Variants in LATS2 observed in about 807,000 individuals in gnomAD.
The protein encoded by LATS2 is serine/threonine-protein kinase LATS2.
Under a neutral mutation model 76.0 loss-of-function variants are expected in LATS2, and 24 were observed. That is an observed-to-expected ratio of 0.32 (90% CI 0.23 to 0.44). The LOEUF (loss-of-function observed/expected upper bound fraction) is 0.44. Ranked by LOEUF, LATS2 falls within the 20% of genes least tolerant of loss-of-function variation. LATS2 has a pLI of 1.00. For missense variants in LATS2, 1,286 were observed against 1,481.2 expected, an observed-to-expected ratio of 0.87 and a Z score of 2.16; for synonymous variants, 692 against 635.4, an observed-to-expected ratio of 1.09 and a Z score of -1.34.
intron 1 of LATS2, among the ~76,000 whole-genome samples, chr13:21,050,565 G>A (rs1388742986): frequency 2.6e-5 from 4 of 152,164 alleles, no homozygotes; most frequent in South Asian, 2.1e-4. Flanking sequence ...TCATTGCTGC[G>A]TAATATCCCC....
chr13:20,979,898 A>G (rs1166737923), intron 6 of LATS2, 101 bp from the exon 7 acceptor site: 1 of 664,416 alleles, frequency 1.5e-6, no homozygotes, highest in East Asian at 2.8e-5. Flanking sequence ...TTAAGTGGGA[A>G]AGCGCGTTGA....
chr13:21,055,982 T>C (rs1873435418), intron 1 of LATS2, among the ~76,000 whole-genome samples: 1 of 152,208 alleles, frequency 6.6e-6, no homozygotes, highest in Non-Finnish European at 1.5e-5. Flanking sequence ...AAGGCAGTGA[T>C]TGCATTCCTC....
At chr13:20,987,039 C>T (rs1870178393) in intron 4 of LATS2, among the ~76,000 whole-genome samples, 1 of 151,914 alleles carries the variant, frequency 6.6e-6, no homozygotes, top group African/African-American at 2.4e-5. Flanking sequence ...ACTAAAAACA[C>T]AAAAAAATGG....
chr13:20,988,411 C>T lies in LATS2; in HGVS notation c.1369G>A (p.Ala457Thr), dbSNP rs1213156692. The T allele has an allele frequency of 4.2e-6, 6 of 1,419,940 alleles. No individual in the cohort carries two copies. Among genetic ancestry groups the T allele is most frequent in the East Asian group, 5.8e-5 (2 of 34,414 alleles). The allele number at this position is 1,419,940 out of a possible 1,614,324, so 88.0% of individuals were successfully genotyped here. ...VRVLRPEPQT[A>T]VGPSHPAWVP... ...CAGGCGGGGTGCGAGGGCCCCACAG[C>T]CGTCTGCGGCTCCGGCCTCAGCACA... Residue 457 changes from alanine to threonine, a missense_variant, in exon 4 of 8, where the codon GCT becomes ACT. Physicochemically the swap from Ala to Thr is moderately conservative, Grantham distance 58 (BLOSUM62 0). Transcript: ENST00000382592.
chr13:21,039,041 G>A (rs1872778898), intron 2 of LATS2, among the ~76,000 whole-genome samples: 3 of 152,080 alleles, frequency 2.0e-5, no homozygotes, highest in Non-Finnish European at 2.9e-5. Context: ...GACACAGAGG[G>A]GTATGCTTTG....
At chr13:21,023,848 C>T (rs1377704551) in intron 2 of LATS2, among the ~76,000 whole-genome samples, 3 of 151,540 alleles carry the variant, frequency 2.0e-5, no homozygotes, top group Admixed American at 1.3e-4. Context: ...TGGCGCATGC[C>T]TATAATTTCA....
At chr13:21,036,956 T>A (rs1353895659) in intron 2 of LATS2, among the ~76,000 whole-genome samples, 1 of 152,240 alleles carries the variant, frequency 6.6e-6, no homozygotes, top group African/African-American at 2.4e-5. Context: ...AAAAATGCTC[T>A]CAACATTTAC....
At position 20,975,264 on chromosome 13, in the gene LATS2, C is replaced by T. The variant is rs765566250; in HGVS notation, c.2873G>A (p.Arg958His). The T allele has an allele frequency of 1.2e-6, 2 of 1,614,134 alleles. No homozygotes were observed. The highest frequency in any genetic ancestry group is 1.7e-5 in the Admixed American group (1 of 60,014). The change falls in exon 8 of 8, where the codon CGC (arginine) becomes CAC (histidine). Residue 958 changes from arginine to histidine, a missense_variant. Arg to His is a conservative substitution (Grantham distance 29, BLOSUM62 0). This residue lies in a region of LATS2 where 210 missense variants were observed against 234.9 expected (regional missense o/e 0.89). Transcript: ENST00000382592. ...ITKLCCSADH[R>H]LGRNGADDLK... Reference sequence around the variant, plus strand: ...GTCATCGGCCCCATTCCGCCCCAGGCGGTGGTCTGCGGAGCAGCACAGCTT... The same window carrying T: ...GTCATCGGCCCCATTCCGCCCCAGGTGGTGGTCTGCGGAGCAGCACAGCTT...
chr13:21,019,633 G>A (rs1402439700), intron 2 of LATS2, among the ~76,000 whole-genome samples: 37 of 123,354 alleles, frequency 3.0e-4, no homozygotes, highest in Admixed American at 2.4e-3. Flanking sequence ...GTGAGCCACC[G>A]CATCCAGCTG....
intron 2 of LATS2, among the ~76,000 whole-genome samples, chr13:21,011,408 G>A (rs1268997418): frequency 2.6e-5 from 4 of 152,140 alleles, no homozygotes; most frequent in African/African-American, 4.8e-5. Flanking sequence ...CTCATGCTAG[G>A]AAACTCCTGT....
chr13:20,986,662 G>A (rs1175662918), intron 4 of LATS2, among the ~76,000 whole-genome samples: 1 of 152,112 alleles, frequency 6.6e-6, no homozygotes, highest in Non-Finnish European at 1.5e-5. Context: ...AAGTTAATTG[G>A]TGCAAACATA....
At chr13:20,999,014 C>T (rs1870905570) in intron 2 of LATS2, among the ~76,000 whole-genome samples, 1 of 152,022 alleles carries the variant, frequency 6.6e-6, no homozygotes, top group African/African-American at 2.4e-5. Context: ...CGACCTTGTG[C>T]ACGCAGGGCG....
chr13:20,997,657 T>C (rs912670716), intron 2 of LATS2, among the ~76,000 whole-genome samples: 1 of 152,186 alleles, frequency 6.6e-6, no homozygotes, highest in Non-Finnish European at 1.5e-5. Context: ...TAGCATGGGC[T>C]CCTGACACAC....
At chr13:21,032,093 G>A (rs532631206) in intron 2 of LATS2, among the ~76,000 whole-genome samples, 1 of 152,018 alleles carries the variant, frequency 6.6e-6, no homozygotes, top group African/African-American at 2.4e-5. Flanking sequence ...TTCACTTTCC[G>A]TTTTCTTACC....
intron 2 of LATS2, among the ~76,000 whole-genome samples, chr13:21,039,062 G>A (rs1200773573): frequency 1.3e-5 from 2 of 152,116 alleles, no homozygotes; most frequent in South Asian, 4.1e-4. Flanking sequence ...CTTGTGTCTT[G>A]TCAAAGTAAT....
Position 20,988,133 on chromosome 13 carries a change from G to A in LATS2, c.1647C>T (p.Asn549=), listed in dbSNP as rs150687923. The A allele has an allele frequency of 1.9e-5, 30 of 1,614,076 alleles. No individual in the cohort carries two copies. Among genetic ancestry groups the A allele is most frequent in the Non-Finnish European group, 2.3e-5 (27 of 1,180,034 alleles). ...GMEQSLRAGP[N]EPEGGDKSRK... is the part of the protein sequence containing the mutation. Reference sequence around the variant, plus strand: ...GGCTCTTGTCGCCGCCCTCGGGCTCGTTGGGGCCCGCACGGAGGCTCTGCT... The same window carrying A: ...GGCTCTTGTCGCCGCCCTCGGGCTCATTGGGGCCCGCACGGAGGCTCTGCT... The change falls in exon 4 of 8, where the codon AAC becomes AAT. Residue 549 remains asparagine (N), a synonymous_variant. Transcript: ENST00000382592.
At chr13:20,992,926 T>C (rs1433414133) in intron 2 of LATS2, among the ~76,000 whole-genome samples, 1 of 151,160 alleles carries the variant, frequency 6.6e-6, no homozygotes, top group African/African-American at 2.4e-5. Context: ...TTCCAGCTAC[T>C]CAGGAGGCTG....
intron 2 of LATS2, among the ~76,000 whole-genome samples, chr13:21,023,957 G>A (rs934064843): frequency 4.0e-5 from 6 of 151,172 alleles, no homozygotes; most frequent in Admixed American, 6.6e-5. Context: ...TGGGCAACAA[G>A]AGTGAAACTC....
At position 21,046,096 on chromosome 13, in the gene LATS2, T is replaced by C. The variant is rs1873067592; in HGVS notation, c.-70A>G. On this transcript the variant is annotated 5_prime_UTR_variant, in exon 2 of 8. Transcript: ENST00000382592. ...TGTTTTATTATTTAAAAAAAAAAAC[T>C]GTCAATAGTATCAGTTTGTTGTAAA... is the stretch of plus-strand genomic sequence containing the variant. The C allele has an allele frequency of 2.1e-6, 2 of 930,742 alleles. No individual in the cohort carries two copies. The highest frequency in any genetic ancestry group is 1.8e-5 in the South Asian group (1 of 56,548). The allele number at this position is 930,742 out of a possible 1,614,324, so 57.7% of individuals were successfully genotyped here. A position where few individuals can be genotyped will look rare whatever the true frequency, so the allele number is the denominator to read the frequency against.
Sources: allele counts gnomAD v4.1 joint callset (sites outside exome capture counted in the v4.1 genomes callset), GRCh38; gene constraint gnomAD v4.1.1; regional missense constraint gnomAD v4.1.1; transcripts MANE v1.5; gene names NCBI Gene and HGNC (gene_info 2026-07-23, HGNC 2026-07-21).